LMO7: variants seen among roughly 807,000 people sequenced by gnomAD.
The protein encoded by LMO7 is LIM domain 7, also known as LIM domain only protein 7.
LMO7 carries 120 observed loss-of-function variants against 206.5 expected under a neutral mutation model. The ratio of observed to expected loss-of-function variants is 0.58; its 90% CI spans 0.50 to 0.68. The LOEUF is 0.68. Ranked by LOEUF, LMO7 falls within the 30% of genes least tolerant of loss-of-function variation. The pLI, the probability that LMO7 is intolerant of heterozygous loss-of-function variation, is 0.00. For missense variants in LMO7, 1,959 were observed against 1,957.9 expected (o/e 1.00, Z -0.01); for synonymous variants, 706 against 681.5 (o/e 1.04, Z -0.56).
chr13:75,717,635 T>G (rs1263860201), intron 2 of LMO7, among the ~76,000 whole-genome samples: 1 of 152,180 alleles, frequency 6.6e-6, no homozygotes, highest in African/African-American at 2.4e-5. Context: ...GACACTCAGA[T>G]GATCATTTTA....
chr13:75,800,572 C>T, intron 6 of LMO7, 112 bp from the exon 7 acceptor site: 3 of 898,758 alleles, frequency 3.3e-6, no homozygotes, highest in East Asian at 5.2e-5. Flanking sequence ...TCATGCCTTA[C>T]ATGTCAAATA....
chr13:75,836,606 C>A, intron 19 of LMO7, 149 bp downstream of exon 19: 1 of 552,260 alleles, frequency 1.8e-6, no homozygotes, highest in East Asian at 3.3e-5. Context: ...GATCCAATTG[C>A]AGCCAGGTGG....
chr13:75,854,263 A>G (rs1438054459), intron 28 of LMO7, among the ~76,000 whole-genome samples: 1 of 152,238 alleles, frequency 6.6e-6, no homozygotes, highest in Non-Finnish European at 1.5e-5. Flanking sequence ...TAAAGCCATC[A>G]GATAAGAGAC....
chr13:75,800,118 T>G (rs1849243092), intron 6 of LMO7, among the ~76,000 whole-genome samples: 1 of 152,238 alleles, frequency 6.6e-6, no homozygotes, highest in Non-Finnish European at 1.5e-5. Flanking sequence ...TAAAAGTGAA[T>G]GAATTCTGTG....
chr13:75,850,945 T>A (rs2060450392), intron 27 of LMO7, among the ~76,000 whole-genome samples: 1 of 152,152 alleles, frequency 6.6e-6, no homozygotes, highest in Non-Finnish European at 1.5e-5. Context: ...GAGCTACTAG[T>A]TGAGGGGCCT....
intron 1 of LMO7, among the ~76,000 whole-genome samples, chr13:75,672,500 A>C (rs2039674645): frequency 6.6e-6 from 1 of 152,146 alleles, no homozygotes; most frequent in Non-Finnish European, 1.5e-5. Context: ...ATTGTATTAC[A>C]TTGTATGGAT....
chr13:75,808,087 G>A lies in LMO7; in HGVS notation c.1804G>A (p.Val602Met), dbSNP rs368850681. 247 of 1,613,720 alleles carry A rather than the reference G, an allele frequency of 1.5e-4. No individual in the cohort carries two copies. The highest frequency in any genetic ancestry group is 1.8e-4 in the Non-Finnish European group (211 of 1,179,858). The change falls in exon 10 of 31, where the codon GTG becomes ATG. Residue 602 changes from valine to methionine, a missense_variant. By Grantham distance (21) the Val-to-Met change is conservative (BLOSUM62 1). Transcript: ENST00000377534. ...TCAGTCCTGGAAACTGGGAACTACCGTGCCTCCCATCAGTTTCACCCCTGG... is the reference window on the plus strand; with the variant it reads ...TCAGTCCTGGAAACTGGGAACTACCATGCCTCCCATCAGTTTCACCCCTGG... ...KIQSWKLGTT[V>M]PPISFTPGPC...
chr13:75,748,378 C>T (rs760189180), intron 3 of LMO7, among the ~76,000 whole-genome samples: 9 of 152,148 alleles, frequency 5.9e-5, no homozygotes, highest in Non-Finnish European at 1.0e-4. Flanking sequence ...TAATGTATGA[C>T]CTTGGGCAAG....
chr13:75,778,056 A>G (rs551480394), intron 4 of LMO7, among the ~76,000 whole-genome samples: 67 of 152,320 alleles, frequency 4.4e-4, no homozygotes, highest in African/African-American at 1.5e-3. Flanking sequence ...ACAAGAATGC[A>G]TGGTATTATG....
At chr13:75,663,432 C>CTTTCTTTCTTTT (rs1555289857) in intron 1 of LMO7, among the ~76,000 whole-genome samples, 27 of 111,388 alleles carry the variant, frequency 2.4e-4, no homozygotes, top group African/African-American at 9.8e-4. Context: ...TTCTTTCTTT[C>CTTTCTTTCTTTT]TTTTTTTTTT....
chr13:75,858,762 A>G lies in LMO7; in HGVS notation c.*819A>G, dbSNP rs2061140877. The G allele has an allele frequency of 6.6e-6, 1 of 152,498 alleles. No homozygotes were observed. Among genetic ancestry groups the G allele is most frequent in the Non-Finnish European group, 1.5e-5 (1 of 68,022 alleles). The allele number at this position is 152,498 out of a possible 1,614,324, so 9.4% of individuals were successfully genotyped here. The stretch of plus-strand genomic sequence containing the variant: ...TCAGTATGTGGCCTTTTTTGATGTT[A>G]TGTTTTATCCAGTAGCTTTACTAAG... On this transcript the variant is annotated 3_prime_UTR_variant, in exon 31 of 31. Coordinates refer to ENST00000377534, the MANE Select transcript of LMO7 (RefSeq NM_001306080.2).
chr13:75,821,543 T>C lies in LMO7; in HGVS notation c.2574T>C (p.Ser858=), dbSNP rs1266216669. ...AAACTGATACAGTCAGGTTAACATC[T>C]GTGGTCACACCAAGACCCTTTGGCT... ...YRKTDTVRLT[S]VVTPRPFGSQ... The change falls in exon 14 of 31, where the codon TCT becomes TCC. Residue 858 remains serine (S), a synonymous_variant. Coordinates refer to ENST00000377534, the MANE Select transcript of LMO7 (RefSeq NM_001306080.2). The C allele has an allele frequency of 1.9e-6, 3 of 1,614,044 alleles. No individual in the cohort carries two copies. The highest frequency in any genetic ancestry group is 2.2e-5 in the East Asian group (1 of 44,870).
intron 30 of LMO7, 160 bp from the exon 31 acceptor site, chr13:75,857,761 A>G (rs545458868): frequency 4.7e-6 from 2 of 428,812 alleles, no homozygotes. Context: ...CAGAGACGAG[A>G]CACTGAGACT....
chr13:75,757,552 G>A (rs984086065), intron 3 of LMO7, among the ~76,000 whole-genome samples: 1 of 151,992 alleles, frequency 6.6e-6, no homozygotes, highest in Non-Finnish European at 1.5e-5. Flanking sequence ...AGCTCTCTAA[G>A]TTACCCTAGC....
intron 27 of LMO7, 140 bp from the exon 28 acceptor site, chr13:75,852,952 C>G (rs939623405): frequency 2.4e-5 from 16 of 671,796 alleles, no homozygotes; most frequent in Non-Finnish European, 3.2e-5. Context: ...CAAGGAACAT[C>G]TGTATATGTA....
chr13:75,845,861 A>G (rs1566606309), intron 26 of LMO7, among the ~76,000 whole-genome samples: 2 of 152,260 alleles, frequency 1.3e-5, no homozygotes, highest in Non-Finnish European at 1.5e-5. Context: ...AAGAATGCAT[A>G]TAGCAGAAAT....
intron 19 of LMO7, 152 bp from the exon 20 acceptor site, chr13:75,837,988 C>T (rs1488566901): frequency 3.5e-6 from 2 of 565,070 alleles, no homozygotes; most frequent in African/African-American, 1.9e-5. Context: ...GTCCCTGTGC[C>T]TTGAAATAAT....
intron 1 of LMO7, among the ~76,000 whole-genome samples, chr13:75,707,551 G>C (rs2042751538): frequency 6.6e-6 from 1 of 151,882 alleles, no homozygotes; most frequent in Non-Finnish European, 1.5e-5. Flanking sequence ...CTGTCCTGTT[G>C]TCCTAGTATA....
At chr13:75,713,283 C>A in intron 2 of LMO7, 31 bp downstream of exon 2, 1 of 1,523,546 alleles carries the variant, frequency 6.6e-7, no homozygotes, top group South Asian at 1.2e-5. Context: ...AAAAATAATT[C>A]AAAAGCAAAG....
Sources: gnomAD v4.1 joint callset for allele counts (sites outside exome capture counted in the v4.1 genomes callset) on GRCh38, gnomAD v4.1.1 for gene constraint, MANE v1.5 for transcripts, NCBI Gene and HGNC (gene_info 2026-07-23, HGNC 2026-07-21) for gene names.